The following AKAP13 variants were observed in gnomAD, a reference collection of about 807,000 sequenced individuals.
AKAP13 encodes the protein A-kinase anchoring protein 13.
A neutral mutation model predicts 264.5 loss-of-function variants in AKAP13; 80 were observed. That is an observed-to-expected ratio of 0.30 (90% CI 0.25 to 0.36). AKAP13 has a LOEUF of 0.36. Among genes scored for constraint, AKAP13 ranks in the 10% least tolerant of loss-of-function variants. The pLI is 1.00. For missense variants in AKAP13, 3,712 were observed against 3,435.2 expected, an observed-to-expected ratio of 1.08 and a Z score of -2.01; for synonymous variants, 1,380 against 1,250.2, an observed-to-expected ratio of 1.10 and a Z score of -2.19.
chr15:85,460,102 A>G (rs994732163), intron 1 of AKAP13, among the ~76,000 whole-genome samples: 6 of 152,178 alleles, frequency 3.9e-5, no homozygotes, highest in South Asian at 2.1e-4. Context: ...ATGTCATGCT[A>G]TTTTAATGCT....
chr15:85,442,526 A>ATATTATATATAATATATATTATATATAT (rs557084632), intron 1 of AKAP13, among the ~76,000 whole-genome samples: 10 of 110,076 alleles, frequency 9.1e-5, no homozygotes, highest in Non-Finnish European at 1.8e-4. Flanking sequence ...ATATTATATT[A>ATATTATATATAATATATATTATATATAT]TATATAATAT....
At chr15:85,575,370 A>T in intron 6 of AKAP13, 41 bp downstream of exon 6, 1 of 1,569,528 alleles carries the variant, frequency 6.4e-7, no homozygotes, top group South Asian at 1.1e-5. Context: ...ATGCATGTGT[A>T]TGTGTGTGTT....
In AKAP13 at chr15:85,717,397, A is replaced by G. The variant is rs2087010233; in HGVS notation, c.5843A>G (p.Asp1948Gly). The change falls in exon 21 of 37, where the codon GAT becomes GGT. Residue 1948 changes from aspartate to glycine, a missense_variant. Transcript: ENST00000394518. Reference sequence around the variant, plus strand: ...AATGAGTCAACAGAATCACTTACTGATGAGGGTAAGAGGAAGTTATGGCCT... The same window carrying G: ...AATGAGTCAACAGAATCACTTACTGGTGAGGGTAAGAGGAAGTTATGGCCT... Reference protein sequence around the residue: ...KVNESTESLTDEGVGTDMNEG... With the variant: ...KVNESTESLTGEGVGTDMNEG... The G allele has an allele frequency of 6.2e-7, 1 of 1,608,068 alleles. No individual in the cohort carries two copies. The highest frequency in any genetic ancestry group is 2.2e-5 in the East Asian group (1 of 44,818).
chr15:85,501,502 T>C (rs1033286530), intron 2 of AKAP13, among the ~76,000 whole-genome samples: 1 of 152,218 alleles, frequency 6.6e-6, no homozygotes, highest in Non-Finnish European at 1.5e-5. Flanking sequence ...ATGTGTGCAT[T>C]TGTATGCAGT....
chr15:85,744,569 G>T, intron 36 of AKAP13, 59 bp from the exon 37 acceptor site: 1 of 1,575,886 alleles, frequency 6.3e-7, no homozygotes, highest in South Asian at 1.1e-5. Context: ...TGGGGAGGAA[G>T]TTCAATGAAA....
At chr15:85,629,763 C>CGTTTTTTTTTTTTTTTT (rs1567164100) in intron 8 of AKAP13, among the ~76,000 whole-genome samples, 1 of 76,150 alleles carries the variant, frequency 1.3e-5, no homozygotes. Context: ...TCCTTTACAG[C>CGTTTTTTTTTTTTTTTT]CTTTTTTTTT....
intron 10 of AKAP13, among the ~76,000 whole-genome samples, chr15:85,648,324 C>T (rs408243): frequency 2.6e-5 from 4 of 152,070 alleles, no homozygotes; most frequent in African/African-American, 9.7e-5. Flanking sequence ...AGAAATACTT[C>T]CTTGCAACCT....
rs370596454 is a variant in AKAP13, at chr15:85,580,511, A to G, written c.2443A>G (p.Thr815Ala). The change falls in exon 7 of 37, where the codon ACT becomes GCT. Residue 815 changes from threonine to alanine, a missense_variant. This residue lies in a region of AKAP13 where 2,759 missense variants were observed against 2,411.7 expected (regional missense o/e 1.14). Transcript: ENST00000394518. Reference protein sequence around the residue: ...VPSQKEKGTATPELHTATDYR... With the variant: ...VPSQKEKGTAAPELHTATDYR... The stretch of plus-strand genomic sequence containing the variant: ...CTCCCAGAAAGAAAAGGGAACAGCA[A>G]CTCCTGAACTACATACAGCTACAGA... 9.3e-6 allele frequency: 15 copies of G among 1,614,066 alleles called. No individual in the cohort carries two copies. Among genetic ancestry groups the G allele is most frequent in the Non-Finnish European group, 1.1e-5 (13 of 1,180,036 alleles).
At chr15:85,545,385 C>T (rs2077701046) in intron 5 of AKAP13, among the ~76,000 whole-genome samples, 1 of 152,258 alleles carries the variant, frequency 6.6e-6, no homozygotes, top group South Asian at 2.1e-4. Context: ...GTGATTACAA[C>T]AGCTTCATTA....
intron 8 of AKAP13, chr15:85,620,233 C>G (rs972992749): frequency 3.9e-5 from 58 of 1,484,996 alleles, no homozygotes; most frequent in Non-Finnish European, 5.2e-5. Context: ...CGCTTTGAAC[C>G]CGGTAGCCAT....
chr15:85,746,171 A>G lies in AKAP13; in HGVS notation c.*1494A>G, dbSNP rs1028270291. On this transcript the variant is annotated 3_prime_UTR_variant, in exon 37 of 37. Transcript: ENST00000394518. ...TTTGAGCACACTTAAAAAAAGAAAAATCTGTAACTTGGTGCTTATTGATGA... is the reference window on the plus strand; with the variant it reads ...TTTGAGCACACTTAAAAAAAGAAAAGTCTGTAACTTGGTGCTTATTGATGA... The G allele has an allele frequency of 6.6e-6, 1 of 152,598 alleles. No individual in the cohort carries two copies. The highest frequency in any genetic ancestry group is 2.4e-5 in the African/African-American group (1 of 41,440). The allele number at this position is 152,598 out of a possible 1,614,324, so 9.5% of individuals were successfully genotyped here.
chr15:85,601,734 T>C (rs1380926763), intron 8 of AKAP13, among the ~76,000 whole-genome samples: 1 of 151,798 alleles, frequency 6.6e-6, no homozygotes, highest in Non-Finnish European at 1.5e-5. Context: ...TTTTTAAAAA[T>C]TAAGAGCCCC....
At chr15:85,556,997 A>G (rs1245128801) in intron 5 of AKAP13, among the ~76,000 whole-genome samples, 2 of 152,200 alleles carry the variant, frequency 1.3e-5, no homozygotes, top group African/African-American at 4.8e-5. Flanking sequence ...TTTTGTGTAT[A>G]CACTTCCTTT....
intron 4 of AKAP13, among the ~76,000 whole-genome samples, chr15:85,543,310 C>G (rs1219714678): frequency 1.3e-5 from 2 of 152,194 alleles, no homozygotes; most frequent in African/African-American, 4.8e-5. Context: ...TCTGGGTGTT[C>G]TTTTAAAAAG....
intron 1 of AKAP13, among the ~76,000 whole-genome samples, chr15:85,467,504 A>G (rs1239705813): frequency 6.6e-6 from 1 of 152,060 alleles, no homozygotes; most frequent in Non-Finnish European, 1.5e-5. Flanking sequence ...CTTCTCTGTC[A>G]TCCCTAATGT....
intron 8 of AKAP13, among the ~76,000 whole-genome samples, chr15:85,605,594 C>T (rs1262146116): frequency 1.3e-5 from 2 of 152,108 alleles, no homozygotes; most frequent in East Asian, 1.9e-4. Context: ...ACCTATGTAA[C>T]AAACCTCCCG....
chr15:85,693,158 C>T, intron 16 of AKAP13, 119 bp from the exon 17 acceptor site: 1 of 1,386,332 alleles, frequency 7.2e-7, no homozygotes, highest in South Asian at 1.8e-5. Context: ...AACTTTGTTT[C>T]TCACTCCTTT....
At chr15:85,590,496 A>G (rs920146358) in intron 8 of AKAP13, among the ~76,000 whole-genome samples, 1 of 152,204 alleles carries the variant, frequency 6.6e-6, no homozygotes, top group African/African-American at 2.4e-5. Flanking sequence ...CTTACTTTAA[A>G]GGTCCAGTGC....
intron 16 of AKAP13, among the ~76,000 whole-genome samples, chr15:85,685,996 C>T (rs1003856380): frequency 3.9e-5 from 6 of 152,132 alleles, no homozygotes; most frequent in Admixed American, 3.9e-4. Context: ...ATTCCCAGTG[C>T]TAAACCAAAA....
Sources: gnomAD v4.1 joint callset for allele counts (sites outside exome capture counted in the v4.1 genomes callset) on GRCh38, gnomAD v4.1.1 for gene constraint, gnomAD v4.1.1 regional missense constraint, MANE v1.5 for transcripts, NCBI Gene and HGNC (gene_info 2026-07-23, HGNC 2026-07-21) for gene names.